TSNARE1: variants seen among roughly 807,000 people sequenced by gnomAD.
TSNARE1 encodes t-SNARE domain-containing protein 1.
Under a neutral mutation model 62.0 loss-of-function variants are expected in TSNARE1, and 49 were observed. The observed-to-expected ratio is 0.79, with a 90% CI of 0.63 to 1.00. The LOEUF is 1.00. Ranked by LOEUF, TSNARE1 falls within the 50% of genes least tolerant of loss-of-function variation. The pLI is 0.00. For missense variants in TSNARE1, 755 were observed against 700.1 expected (o/e 1.08, Z -0.88); for synonymous variants, 328 against 294.4 (o/e 1.11, Z -1.17).
At position 142,314,991 on chromosome 8, in the gene TSNARE1, C is replaced by T. The variant is rs1428441981; in HGVS notation, c.1074+12G>A. The T allele has an allele frequency of 6.2e-7, 1 of 1,614,050 alleles. No individual in the cohort carries two copies. Among genetic ancestry groups the T allele is most frequent in the South Asian group, 1.1e-5 (1 of 91,086 alleles). On this transcript the variant is annotated intron_variant, in intron 8 of 13. Coordinates refer to ENST00000524325, the MANE Select transcript of TSNARE1 (RefSeq NM_145003.5). ...GGCCTGCAGACCCCCACTGCCCCCA[C>T]CAGCACCTCACCTTCTGCACCACTC...
chr8:142,271,132 G>A lies in TSNARE1; in HGVS notation c.1446+3649C>T, dbSNP rs987556405. ...TCAAGATCATCCCTGAGAAGACCTCGAGCCCCGAGTGGGTGCCCTTGGGGC... is the reference window on the plus strand; with the variant it reads ...TCAAGATCATCCCTGAGAAGACCTCAAGCCCCGAGTGGGTGCCCTTGGGGC... On this transcript the variant is annotated intron_variant, in intron 12 of 13. Transcript: ENST00000524325. The A allele has an allele frequency of 3.2e-5, 32 of 986,586 alleles. No individual in the cohort carries two copies. The East Asian group carries it at 4.5e-4, about 14-fold the overall frequency. The allele number at this position is 986,586 out of a possible 1,614,324, so 61.1% of individuals were successfully genotyped here.
chr8:142,256,759 C>G (rs145065879), intron 12 of TSNARE1, among the ~76,000 whole-genome samples: 5 of 152,334 alleles, frequency 3.3e-5, no homozygotes, highest in African/African-American at 9.6e-5. Flanking sequence ...GCACACAACT[C>G]GTCACTGGCA....
At chr8:142,366,198 G>A (rs528007707) in intron 1 of TSNARE1, among the ~76,000 whole-genome samples, 11 of 152,020 alleles carry the variant, frequency 7.2e-5, no homozygotes, top group African/African-American at 1.4e-4. Flanking sequence ...CACCACGCCC[G>A]GCTAATTTTT....
rs143733651 is a variant in TSNARE1, at chr8:142,318,558, G to A, written c.970C>T (p.Arg324Cys). 1.8e-4 allele frequency: 291 copies of A among 1,612,904 alleles called. No homozygotes were observed. The highest frequency in any genetic ancestry group is 2.2e-4 in the Non-Finnish European group (260 of 1,179,796). ...CAGGAACATACCGGGCAGGAGCTGCGCAGCAGCTCGGCCATCTGCTTCACG... is the reference window on the plus strand; with the variant it reads ...CAGGAACATACCGGGCAGGAGCTGCACAGCAGCTCGGCCATCTGCTTCACG... ...SSVKQMAELL[R>C]SSCPQERLQQ... Residue 324 changes from arginine (R) to cysteine (C), a missense_variant, in exon 7 of 14, where the codon CGC becomes TGC. By Grantham distance (180) the Arg-to-Cys change is radical. Transcript: ENST00000524325.
At chr8:142,382,395 T>C (rs1836833235) in intron 1 of TSNARE1, among the ~76,000 whole-genome samples, 1 of 152,004 alleles carries the variant, frequency 6.6e-6, no homozygotes, top group South Asian at 2.1e-4. Flanking sequence ...ACCTCCATCA[T>C]TCCCCGGGAG....
intron 10 of TSNARE1, among the ~76,000 whole-genome samples, chr8:142,298,627 T>G (rs1307026112): frequency 4.6e-5 from 7 of 152,026 alleles, no homozygotes; most frequent in Non-Finnish European, 1.0e-4. Context: ...CAGCCCTCTG[T>G]GGGGGTTTGG....
At chr8:142,286,741 C>A (rs1302732188) in intron 10 of TSNARE1, among the ~76,000 whole-genome samples, 1 of 152,190 alleles carries the variant, frequency 6.6e-6, no homozygotes, top group Non-Finnish European at 1.5e-5. Context: ...TGGGTCCCCA[C>A]CTCCACGGGC....
intron 4 of TSNARE1, among the ~76,000 whole-genome samples, chr8:142,336,282 C>CAAAAAAAAAAAAAAAAAA (rs749299318): frequency 4.0e-5 from 1 of 25,126 alleles, no homozygotes; most frequent in African/African-American, 1.5e-4. Flanking sequence ...GACCCTGTCT[C>CAAAAAAAAAAAAAAAAAA]AAAAAAAAAA....
intron 1 of TSNARE1, among the ~76,000 whole-genome samples, chr8:142,379,128 A>G (rs1408181281): frequency 6.6e-6 from 1 of 152,074 alleles, no homozygotes; most frequent in African/African-American, 2.4e-5. Context: ...CAGCTCACAC[A>G]TGTCCTCCCA....
intron 10 of TSNARE1, among the ~76,000 whole-genome samples, chr8:142,293,397 G>A (rs909345894): frequency 6.6e-6 from 1 of 152,256 alleles, no homozygotes; most frequent in East Asian, 1.9e-4. Context: ...ACCTCCTGGC[G>A]CGGGTTCTTC....
At chr8:142,335,438 C>T (rs1218185824) in intron 4 of TSNARE1, among the ~76,000 whole-genome samples, 4 of 152,150 alleles carry the variant, frequency 2.6e-5, no homozygotes, top group Non-Finnish European at 4.4e-5. Flanking sequence ...CGATCCACCA[C>T]ACAGGACATG....
At chr8:142,232,363 C>T (rs932417298) in intron 12 of TSNARE1, among the ~76,000 whole-genome samples, 2 of 152,262 alleles carry the variant, frequency 1.3e-5, no homozygotes, top group Non-Finnish European at 2.9e-5. Context: ...TCGGCCACTT[C>T]CTGTGGCCCT....
chr8:142,226,806 C>G (rs890857641), intron 13 of TSNARE1, among the ~76,000 whole-genome samples: 1 of 152,038 alleles, frequency 6.6e-6, no homozygotes. Flanking sequence ...ATGGCAGGGC[C>G]CTTCCTAGGG....
At chr8:142,284,581 G>A (rs1822365610) in intron 10 of TSNARE1, 96 bp from the exon 11 acceptor site, 5 of 970,514 alleles carry the variant, frequency 5.2e-6, no homozygotes, top group Non-Finnish European at 8.2e-6. Context: ...GCGGGCCCAG[G>A]TGGCACCTGC....
At chr8:142,270,156 C>T (rs931212925) in intron 12 of TSNARE1, 1 of 985,460 alleles carries the variant, frequency 1.0e-6, no homozygotes, top group Non-Finnish European at 1.2e-6. Flanking sequence ...CGACGGCTGC[C>T]TAGGCTGGGG....
At chr8:142,331,292 C>A (rs1375047427) in intron 5 of TSNARE1, among the ~76,000 whole-genome samples, 1 of 152,242 alleles carries the variant, frequency 6.6e-6, no homozygotes, top group Non-Finnish European at 1.5e-5. Context: ...CCCCTCACCC[C>A]ATCCGTTGCC....
At chr8:142,219,534 G>T (rs1816103602) in intron 13 of TSNARE1, among the ~76,000 whole-genome samples, 3 of 152,188 alleles carry the variant, frequency 2.0e-5, no homozygotes, top group South Asian at 4.1e-4. Flanking sequence ...GGCCAGGTGG[G>T]GACTCAAACC....
In TSNARE1 at chr8:142,217,422, T is replaced by G. The variant is rs377367283; in HGVS notation, c.*12-5109A>C. ...AGCAAGCAACGGCGTAAGGAATGGC[T>G]GACCCCACAAGAGGCTTGGGCCCCT... On this transcript the variant is annotated intron_variant, in intron 13 of 13. Transcript: ENST00000524325. Among the ~76,000 whole-genome samples, 14 of 152,126 alleles carry G rather than the reference T, an allele frequency of 9.2e-5. 1 individual carries two copies. The highest frequency in any genetic ancestry group is 3.4e-4 in the African/African-American group (14 of 41,398).
At chr8:142,257,058 C>T (rs1200002036) in intron 12 of TSNARE1, among the ~76,000 whole-genome samples, 2 of 152,206 alleles carry the variant, frequency 1.3e-5, no homozygotes, top group Non-Finnish European at 2.9e-5. Flanking sequence ...TGAAAGGGAC[C>T]TTCCCACGCA....
Sources: gnomAD v4.1 joint callset for allele counts (sites outside exome capture counted in the v4.1 genomes callset) on GRCh38, gnomAD v4.1.1 for gene constraint, MANE v1.5 for transcripts, NCBI Gene and HGNC (gene_info 2026-07-23, HGNC 2026-07-21) for gene names.